Variants in PPP4R2 observed in about 807,000 individuals in gnomAD.
PPP4R2 encodes the protein protein phosphatase 4 regulatory subunit 2.
A neutral mutation model predicts 47.2 loss-of-function variants in PPP4R2; 13 were observed. The ratio of observed to expected loss-of-function variants is 0.28; its 90% CI spans 0.18 to 0.44. PPP4R2 has a LOEUF of 0.44. PPP4R2 is among the 20% of genes least tolerant of loss of function. The pLI, the probability that PPP4R2 is intolerant of heterozygous loss-of-function variation, is 1.00. For missense variants in PPP4R2, 421 were observed against 491.2 expected, an observed-to-expected ratio of 0.86 and a Z score of 1.35; for synonymous variants, 151 against 163.3, an observed-to-expected ratio of 0.92 and a Z score of 0.57.
In PPP4R2 at chr3:73,034,673, T is replaced by C. The variant is rs1253101233; in HGVS notation, c.117-12513T>C. Among the ~76,000 whole-genome samples, 3 of 152,076 alleles carry C rather than the reference T, an allele frequency of 2.0e-5. No individual in the cohort carries two copies. The East Asian group carries it at 5.8e-4, about 29-fold the overall frequency. On this transcript the variant is annotated intron_variant, in intron 2 of 8. Coordinates refer to ENST00000356692, the MANE Select transcript of PPP4R2 (RefSeq NM_174907.4). ...TCAGCCTCCCAGGTAGCTAGGATTA[T>C]AGGTACATGCCACCATGCCTGGATA... is the stretch of plus-strand genomic sequence containing the variant.
chr3:73,048,057 A>T (rs953456391), intron 3 of PPP4R2, among the ~76,000 whole-genome samples: 1 of 151,978 alleles, frequency 6.6e-6, no homozygotes, highest in East Asian at 1.9e-4. Context: ...TTGTATTTTT[A>T]GTAGAGACAG....
intron 2 of PPP4R2, among the ~76,000 whole-genome samples, chr3:73,012,592 C>T (rs1455200631): frequency 6.6e-6 from 1 of 152,198 alleles, no homozygotes. Flanking sequence ...TGAGCCACTG[C>T]GCCCAGCCCT....
rs1701388218 is a variant in PPP4R2, at chr3:72,998,091, G to C, written c.49G>C (p.Gly17Arg). 1.9e-6 allele frequency: 3 copies of C among 1,602,860 alleles called. No individual in the cohort carries two copies. The highest frequency in any genetic ancestry group is 2.6e-6 in the Non-Finnish European group (3 of 1,176,402). The change falls in exon 2 of 9, where the codon GGG (glycine) becomes CGG (arginine). Residue 17 changes from glycine to arginine, a missense_variant. Around this residue, in one of 2 missense-constraint regions of PPP4R2, gnomAD observed 104 missense variants for 203.7 expected, o/e 0.51. Transcript: ENST00000356692. ...QEALKDFEKR[G>R]KKEVCPVLDQ... ...CCTTCATCTAGATTTTGAGAAGAGG[G>C]GGAAAAAGGAAGTTTGTCCTGTCCT...
chr3:73,014,919 G>T (rs888421978), intron 2 of PPP4R2: 2 of 678,474 alleles, frequency 2.9e-6, no homozygotes, highest in African/African-American at 3.5e-5. Context: ...GCCCAGGCTG[G>T]CCTCGAAACC....
intron 2 of PPP4R2, among the ~76,000 whole-genome samples, chr3:73,039,997 T>C (rs1702343439): frequency 6.6e-6 from 1 of 152,130 alleles, no homozygotes; most frequent in Non-Finnish European, 1.5e-5. Context: ...GAGGTTGTAG[T>C]GAGCCGAGAT....
At position 73,065,687 on chromosome 3, in the gene PPP4R2, A is replaced by C; in HGVS notation, c.1219A>C (p.Thr407Pro). Residue 407 changes from threonine to proline, a missense_variant, in exon 9 of 9, where the codon ACA (threonine) becomes CCA (proline). Physicochemically the swap from Thr to Pro is conservative, Grantham distance 38. Coordinates refer to ENST00000356692, the MANE Select transcript of PPP4R2 (RefSeq NM_174907.4). Reference protein sequence around the residue: ...ESSMENDDEATEVTDEPMEQD With the variant: ...ESSMENDDEAPEVTDEPMEQD ...ATCCATGGAAAATGATGACGAAGCC[A>C]CAGAAGTCACCGATGAACCAATGGA... is the stretch of plus-strand genomic sequence containing the variant. 1 of 1,609,000 alleles carries C rather than the reference A, an allele frequency of 6.2e-7. No individual in the cohort carries two copies. The highest frequency in any genetic ancestry group is 8.5e-7 in the Non-Finnish European group (1 of 1,175,944).
chr3:73,067,971 T>A lies in PPP4R2; in HGVS notation c.*2249T>A, dbSNP rs2107356485. 6.6e-6 allele frequency: 1 copy of A among 152,314 alleles called. No individual in the cohort carries two copies. Among genetic ancestry groups the A allele is most frequent in the East Asian group, 1.9e-4 (1 of 5,186 alleles). 9.4% of individuals were successfully genotyped at this position (152,314 alleles called of 1,614,324 possible). A position where few individuals can be genotyped will look rare whatever the true frequency, so the allele number is the denominator to read the frequency against. On this transcript the variant is annotated 3_prime_UTR_variant, in exon 9 of 9. Coordinates refer to ENST00000356692, the MANE Select transcript of PPP4R2 (RefSeq NM_174907.4). Reference sequence around the variant, plus strand: ...TATGTTGATCATAGATCAAACTTGTTGCTGTTTATACAGATAATTGTAGAA... The same window carrying A: ...TATGTTGATCATAGATCAAACTTGTAGCTGTTTATACAGATAATTGTAGAA...
intron 3 of PPP4R2, among the ~76,000 whole-genome samples, chr3:73,058,736 A>G (rs1702780282): frequency 6.6e-6 from 1 of 152,100 alleles, no homozygotes; most frequent in Non-Finnish European, 1.5e-5. Context: ...GTGCTATCAA[A>G]TACTAGATCT....
chr3:73,052,022 C>G (rs535813131), intron 3 of PPP4R2, among the ~76,000 whole-genome samples: 1 of 152,224 alleles, frequency 6.6e-6, no homozygotes, highest in South Asian at 2.1e-4. Context: ...GGGTAACAGT[C>G]TTTTCCAAAC....
At chr3:72,999,793 A>G (rs774670591) in intron 2 of PPP4R2, among the ~76,000 whole-genome samples, 1 of 152,198 alleles carries the variant, frequency 6.6e-6, no homozygotes, top group Non-Finnish European at 1.5e-5. Context: ...TTCACTAAGC[A>G]TGTTTTGTAC....
chr3:73,021,844 CTATA>C (rs773952458), intron 2 of PPP4R2, among the ~76,000 whole-genome samples: 8,087 of 137,192 alleles, frequency 0.059, 332 homozygotes, highest in African/African-American at 0.12. Context: ...TATTACATTT[CTATA>C]TGTGTGTGTG....
intron 2 of PPP4R2, among the ~76,000 whole-genome samples, chr3:73,004,879 T>TTTGAGTCGGAGTCGTGTGTGTG (rs1701565834): frequency 7.2e-6 from 1 of 139,164 alleles, no homozygotes; most frequent in Admixed American, 7.1e-5. Context: ...GTTTGTTTGT[T>TTTGAGTCGGAGTCGTGTGTGTG]TGTTTGTGTG....
At chr3:73,013,600 GT>G (rs1165269301) in intron 2 of PPP4R2, among the ~76,000 whole-genome samples, 1 of 151,626 alleles carries the variant, frequency 6.6e-6, no homozygotes, top group Non-Finnish European at 1.5e-5. Flanking sequence ...TGAAACTTCA[GT>G]TTGCCTTTTG....
rs940339610 is a variant in PPP4R2, at chr3:73,066,932, A to G, written c.*1210A>G. 1 of 152,132 alleles carries G rather than the reference A, an allele frequency of 6.6e-6. No individual in the cohort carries two copies. Among genetic ancestry groups the G allele is most frequent in the African/African-American group, 2.4e-5 (1 of 41,452 alleles). The allele number at this position is 152,132 out of a possible 1,614,324, so 9.4% of individuals were successfully genotyped here. A position where few individuals can be genotyped will look rare whatever the true frequency, so the allele number is the denominator to read the frequency against. On this transcript the variant is annotated 3_prime_UTR_variant, in exon 9 of 9. Coordinates refer to ENST00000356692, the MANE Select transcript of PPP4R2 (RefSeq NM_174907.4). ...GCACAATGATTACTCGAAATTCAGT[A>G]TTTTCAAATTTACATATTTAAAGTC...
At chr3:73,026,210 T>C (rs937748140) in intron 2 of PPP4R2, among the ~76,000 whole-genome samples, 1 of 152,208 alleles carries the variant, frequency 6.6e-6, no homozygotes, top group Non-Finnish European at 1.5e-5. Context: ...TTCTATTTGT[T>C]CCCTGTGTTT....
chr3:72,999,792 C>T (rs1213521827), intron 2 of PPP4R2, among the ~76,000 whole-genome samples: 1 of 152,150 alleles, frequency 6.6e-6, no homozygotes, highest in East Asian at 1.9e-4. Context: ...ATTCACTAAG[C>T]ATGTTTTGTA....
chr3:73,003,476 A>G (rs914345035), intron 2 of PPP4R2, among the ~76,000 whole-genome samples: 5 of 151,808 alleles, frequency 3.3e-5, no homozygotes, highest in Admixed American at 6.6e-5. Flanking sequence ...TTTGCCTCCA[A>G]AGGTGCTGGG....
At chr3:73,003,631 G>A (rs1489827884) in intron 2 of PPP4R2, among the ~76,000 whole-genome samples, 1 of 152,094 alleles carries the variant, frequency 6.6e-6, no homozygotes, top group East Asian at 1.9e-4. Context: ...TTGGTTGTCT[G>A]AATGAAGCTT....
At chr3:73,052,138 A>C (rs1407774991) in intron 3 of PPP4R2, among the ~76,000 whole-genome samples, 2 of 152,148 alleles carry the variant, frequency 1.3e-5, no homozygotes, top group Non-Finnish European at 2.9e-5. Flanking sequence ...AAAGAAAAGA[A>C]TATTGAATAA....
Sources: allele counts gnomAD v4.1 joint callset (sites outside exome capture counted in the v4.1 genomes callset), GRCh38; gene constraint gnomAD v4.1.1; regional missense constraint gnomAD v4.1.1; transcripts MANE v1.5; gene names NCBI Gene and HGNC (gene_info 2026-07-23, HGNC 2026-07-21).